The following RALYL variants were observed in gnomAD, a reference collection of about 807,000 sequenced individuals.
The protein encoded by RALYL is RALY RNA binding protein like.
Under a neutral mutation model 35.1 loss-of-function variants are expected in RALYL, and 29 were observed. That is an observed-to-expected ratio of 0.83 (90% CI 0.61 to 1.13). The LOEUF (loss-of-function observed/expected upper bound fraction) is 1.13. Ranked by LOEUF, RALYL falls within the 50% of genes most tolerant of loss-of-function variation. RALYL has a pLI of 0.00. For synonymous variants in RALYL, 120 were observed against 127.6 expected (o/e 0.94, Z 0.40); for missense variants, 359 against 360.4 (o/e 1.00, Z 0.03).
At chr8:84,458,526 G>T (rs919606101) in intron 1 of RALYL, among the ~76,000 whole-genome samples, 1 of 151,678 alleles carries the variant, frequency 6.6e-6, no homozygotes, top group Non-Finnish European at 1.5e-5. Context: ...ATGATACTGT[G>T]ATATGCTTTC....
At chr8:84,458,728 A>C (rs1172098663) in intron 1 of RALYL, among the ~76,000 whole-genome samples, 3 of 151,850 alleles carry the variant, frequency 2.0e-5, no homozygotes, top group Admixed American at 6.6e-5. Context: ...TGATAGGAAG[A>C]ATGATCTATC....
intron 2 of RALYL, among the ~76,000 whole-genome samples, chr8:84,687,071 A>C (rs980386200): frequency 2.0e-5 from 3 of 152,110 alleles, no homozygotes; most frequent in Non-Finnish European, 2.9e-5. Context: ...TCATGTTTTC[A>C]TTTTTTGTGT....
At chr8:84,569,602 T>G (rs1807422297) in intron 2 of RALYL, among the ~76,000 whole-genome samples, 1 of 151,924 alleles carries the variant, frequency 6.6e-6, no homozygotes, top group Non-Finnish European at 1.5e-5. Context: ...TAACTGTCAT[T>G]TGTCTATTTT....
At chr8:84,831,639 A>G (rs1242996033) in intron 4 of RALYL, among the ~76,000 whole-genome samples, 1 of 152,148 alleles carries the variant, frequency 6.6e-6, no homozygotes, top group Non-Finnish European at 1.5e-5. Flanking sequence ...GGGAAGGGGA[A>G]AATTTGACAT....
intron 1 of RALYL, among the ~76,000 whole-genome samples, chr8:84,368,153 A>G (rs961611699): frequency 6.6e-6 from 1 of 152,158 alleles, no homozygotes; most frequent in Non-Finnish European, 1.5e-5. Flanking sequence ...TAACTGAAAA[A>G]CGAAATAAGT....
intron 1 of RALYL, among the ~76,000 whole-genome samples, chr8:84,528,518 T>C (rs760527000): frequency 1.3e-5 from 2 of 152,130 alleles, no homozygotes; most frequent in Non-Finnish European, 2.9e-5. Context: ...TTAGGCAACA[T>C]AGGAGCCTTT....
chr8:84,317,331 G>T (rs1463325148), intron 1 of RALYL, among the ~76,000 whole-genome samples: 4 of 152,112 alleles, frequency 2.6e-5, no homozygotes, highest in Non-Finnish European at 4.4e-5. Context: ...CTGAATAGAT[G>T]ATCAGAGGCT....
rs115895779 is a variant in RALYL, at chr8:84,713,158, C to A, written c.257-61421C>A. Among the ~76,000 whole-genome samples, 983 of 151,968 alleles carry A rather than the reference C, an allele frequency of 6.5e-3. 14 individuals carry two copies. Among genetic ancestry groups the A allele is most frequent in the African/African-American group, 0.022 (927 of 41,494 alleles). On this transcript the variant is annotated intron_variant, in intron 2 of 8. Coordinates refer to ENST00000521268, the MANE Select transcript of RALYL (RefSeq NM_173848.7). Reference sequence around the variant, plus strand: ...ATGGGGTGAAATAGAGATCAAATTTCTTTCTTGTTTGTATGGATATCCAGT... The same window carrying A: ...ATGGGGTGAAATAGAGATCAAATTTATTTCTTGTTTGTATGGATATCCAGT...
intron 8 of RALYL, among the ~76,000 whole-genome samples, chr8:84,894,842 C>T (rs1844460894): frequency 6.6e-6 from 1 of 152,196 alleles, no homozygotes; most frequent in Non-Finnish European, 1.5e-5. Context: ...GCCATTAAGG[C>T]AAAATCTCTC....
At chr8:84,357,951 G>A (rs1484556336) in intron 1 of RALYL, among the ~76,000 whole-genome samples, 1 of 151,408 alleles carries the variant, frequency 6.6e-6, no homozygotes, top group Non-Finnish European at 1.5e-5. Flanking sequence ...GCTCCATGAT[G>A]GAAATAAGTA....
At chr8:84,486,039 G>A (rs1295671023) in intron 1 of RALYL, among the ~76,000 whole-genome samples, 1 of 134,304 alleles carries the variant, frequency 7.4e-6, no homozygotes, top group African/African-American at 2.7e-5. Flanking sequence ...TTGAGGAAGA[G>A]TTAGAATTTA....
chr8:84,210,001 A>G (rs1819069357), intron 1 of RALYL, among the ~76,000 whole-genome samples: 1 of 152,166 alleles, frequency 6.6e-6, no homozygotes, highest in South Asian at 2.1e-4. Context: ...CTCATATGGA[A>G]AACTCACACA....
chr8:84,658,491 T>C (rs1372318431), intron 2 of RALYL, among the ~76,000 whole-genome samples: 1 of 152,142 alleles, frequency 6.6e-6, no homozygotes, highest in Non-Finnish European at 1.5e-5. Flanking sequence ...GCATAGGAAA[T>C]TGTGGATAAA....
At chr8:84,509,236 AT>A (rs1304098765) in intron 1 of RALYL, among the ~76,000 whole-genome samples, 2 of 151,966 alleles carry the variant, frequency 1.3e-5, no homozygotes, top group African/African-American at 2.4e-5. Context: ...CTGGGTAGCA[AT>A]TTTTTTCCCT....
At chr8:84,520,492 G>A (rs1204810497) in intron 1 of RALYL, among the ~76,000 whole-genome samples, 11 of 151,842 alleles carry the variant, frequency 7.2e-5, no homozygotes, top group East Asian at 1.9e-4. Flanking sequence ...AAATTTCATC[G>A]GAATATTTTA....
Position 84,346,076 on chromosome 8 carries a change from T to C in RALYL, c.-24+161652T>C, listed in dbSNP as rs1849780193. 3 of 984,328 alleles carry C rather than the reference T, an allele frequency of 3.0e-6. No individual in the cohort carries two copies. The African/African-American group carries it at 5.2e-5, about 17-fold the overall frequency. The allele number at this position is 984,328 out of a possible 1,614,324, so 61.0% of individuals were successfully genotyped here. ...GAAATGGGTTGCTTGGTTGCTTATA[T>C]GTTTTCACATGAGCAATTGCTCTAT... On this transcript the variant is annotated intron_variant, in intron 1 of 8. Transcript: ENST00000521268.
At chr8:84,737,626 G>T (rs1426780581) in intron 2 of RALYL, among the ~76,000 whole-genome samples, 5 of 151,940 alleles carry the variant, frequency 3.3e-5, no homozygotes, top group Non-Finnish European at 7.4e-5. Context: ...TATATTGATT[G>T]TATGTCTGTC....
intron 1 of RALYL, among the ~76,000 whole-genome samples, chr8:84,366,025 A>T (rs1854185025): frequency 6.6e-6 from 1 of 152,144 alleles, no homozygotes; most frequent in African/African-American, 2.4e-5. Flanking sequence ...TCTTTGTATC[A>T]CTTGCTCTAG....
chr8:84,807,464 C>T (rs1824916101), intron 4 of RALYL, among the ~76,000 whole-genome samples: 1 of 152,192 alleles, frequency 6.6e-6, no homozygotes. Context: ...GCGAATTCTG[C>T]TGCTATAAAC....
Sources: allele counts gnomAD v4.1 joint callset (sites outside exome capture counted in the v4.1 genomes callset), GRCh38; gene constraint gnomAD v4.1.1; transcripts MANE v1.5; gene names NCBI Gene and HGNC (gene_info 2026-07-23, HGNC 2026-07-21).